The following PREP variants were observed in gnomAD, a reference collection of about 807,000 sequenced individuals.
The protein encoded by PREP is prolyl endopeptidase.
Under a neutral mutation model 87.6 loss-of-function variants are expected in PREP, and 29 were observed. That is an observed-to-expected ratio of 0.33 (90% CI 0.25 to 0.45). The LOEUF is 0.45. Among genes scored for constraint, PREP ranks in the 20% least tolerant of loss-of-function variants. The pLI is 1.00. For synonymous variants in PREP, 337 were observed against 328.6 expected (o/e 1.03, Z -0.28); for missense variants, 695 against 886.5 (o/e 0.78, Z 2.74).
intron 10 of PREP, 104 bp from the exon 11 acceptor site, chr6:105,288,998 G>T: frequency 8.3e-7 from 1 of 1,204,450 alleles, no homozygotes. Flanking sequence ...ATGTACAGTA[G>T]CACAGTGAAA....
chr6:105,341,649 A>C (rs1401913910), intron 7 of PREP, among the ~76,000 whole-genome samples: 1 of 152,240 alleles, frequency 6.6e-6, no homozygotes, highest in African/African-American at 2.4e-5. Context: ...TAGCAAGACT[A>C]ATAAAGTAGA....
At position 105,376,857 on chromosome 6, in the gene PREP, G is replaced by C. The variant is rs1772700351; in HGVS notation, c.254+529C>G. Among the ~76,000 whole-genome samples, 3 of 152,294 alleles carry C rather than the reference G, an allele frequency of 2.0e-5. No individual in the cohort carries two copies. The East Asian group carries it at 5.8e-4, about 29-fold the overall frequency. ...TTTGGTAGGCAGACTGTACGTTGCCGATCTCTGTAAGAATGGCAGAGGGCT... is the reference window on the plus strand; with the variant it reads ...TTTGGTAGGCAGACTGTACGTTGCCCATCTCTGTAAGAATGGCAGAGGGCT... On this transcript the variant is annotated intron_variant, in intron 3 of 14. Transcript: ENST00000652536.
At chr6:105,290,123 C>T (rs747049826) in intron 10 of PREP, among the ~76,000 whole-genome samples, 2 of 152,186 alleles carry the variant, frequency 1.3e-5, no homozygotes, top group Non-Finnish European at 2.9e-5. Flanking sequence ...AATTTGGCAT[C>T]TGACGAATCA....
intron 10 of PREP, among the ~76,000 whole-genome samples, chr6:105,299,656 C>A (rs1227512185): frequency 6.6e-6 from 1 of 152,206 alleles, no homozygotes; most frequent in African/African-American, 2.4e-5. Context: ...CTACCAAGGT[C>A]TCCCAAGTCC....
In PREP at chr6:105,275,241, G is replaced by A. The variant is rs138319939; in HGVS notation, c.*2903C>T. Among the ~76,000 whole-genome samples, 13 of 152,306 alleles carry A rather than the reference G, an allele frequency of 8.5e-5. No homozygotes were observed. Among genetic ancestry groups the A allele is most frequent in the African/African-American group, 3.1e-4 (13 of 41,566 alleles). On this transcript the variant is annotated 3_prime_UTR_variant, in exon 15 of 15. Coordinates refer to ENST00000652536, the MANE Select transcript of PREP (RefSeq NM_002726.5). ...GCCTGCTGGGAACTTCCAGAGGCTG[G>A]TAAAACTGACAAACCTTGAGAGACT...
chr6:105,282,020 A>G, intron 13 of PREP, 118 bp from the exon 14 acceptor site: 1 of 1,230,590 alleles, frequency 8.1e-7, no homozygotes, highest in Non-Finnish European at 1.1e-6. Context: ...TATCCAGAGC[A>G]CAAGAGGAAA....
rs1363279739 is a variant in PREP, at chr6:105,278,065, T to C, written c.*79A>G. 6.6e-7 allele frequency: 1 copy of C among 1,504,998 alleles called. No homozygotes were observed. Among genetic ancestry groups the C allele is most frequent in the Non-Finnish European group, 9.1e-7 (1 of 1,104,864 alleles). 93.2% of individuals were successfully genotyped at this position (1,504,998 alleles called of 1,614,324 possible). A position where few individuals can be genotyped will look rare whatever the true frequency, so the allele number is the denominator to read the frequency against. Reference sequence around the variant, plus strand: ...ATAATGTTCCCGTGGGGAAGCATTATGCCCAGTGGTTTCTTGGTGTCAACG... The same window carrying C: ...ATAATGTTCCCGTGGGGAAGCATTACGCCCAGTGGTTTCTTGGTGTCAACG... On this transcript the variant is annotated 3_prime_UTR_variant, in exon 15 of 15. Transcript: ENST00000652536. This position sits in a 1 kb window ranked among gnomAD's most constrained non-coding sequence, Gnocchi z 4.2.
chr6:105,340,016 C>A (rs1484831741), intron 7 of PREP, among the ~76,000 whole-genome samples: 1 of 152,142 alleles, frequency 6.6e-6, no homozygotes, highest in African/African-American at 2.4e-5. Flanking sequence ...GGCAGGCCAA[C>A]ATTCAAATTC....
chr6:105,401,431 A>C (rs1773427722), intron 1 of PREP, among the ~76,000 whole-genome samples: 1 of 152,226 alleles, frequency 6.6e-6, no homozygotes, highest in African/African-American at 2.4e-5. Context: ...CTGCAGAAGC[A>C]AGTAAGCCCT....
chr6:105,387,310 C>T (rs1015528307), intron 2 of PREP, among the ~76,000 whole-genome samples: 19 of 152,066 alleles, frequency 1.2e-4, no homozygotes, highest in East Asian at 5.8e-4. Flanking sequence ...CCAAAAATAC[C>T]GTATCTGATG....
intron 13 of PREP, 128 bp from the exon 14 acceptor site, chr6:105,282,030 A>G (rs1225988285): frequency 1.7e-6 from 2 of 1,171,670 alleles, no homozygotes; most frequent in Non-Finnish European, 2.3e-6. Context: ...ACAAGAGGAA[A>G]CCATCAGAAA....
At chr6:105,310,859 C>T (rs1161936451) in intron 10 of PREP, among the ~76,000 whole-genome samples, 1 of 152,188 alleles carries the variant, frequency 6.6e-6, no homozygotes, top group East Asian at 1.9e-4. Flanking sequence ...GACACTGCCA[C>T]TTGGATGATA....
Position 105,402,895 on chromosome 6 carries a change from C to T in PREP, c.-4G>A. The stretch of plus-strand genomic sequence containing the variant: ...CGGGGTACTGAAGGGACAGCATGGC[C>T]GGGGACAGGCAGGGGGCAGCGTGGA... On this transcript the variant is annotated 5_prime_UTR_variant, in exon 1 of 15. Transcript: ENST00000652536. 6.6e-7 allele frequency: 1 copy of T among 1,518,228 alleles called. No homozygotes were observed. Among genetic ancestry groups the T allele is most frequent in the Non-Finnish European group, 8.9e-7 (1 of 1,127,302 alleles). 94.0% of individuals were successfully genotyped at this position (1,518,228 alleles called of 1,614,324 possible). A position where few individuals can be genotyped will look rare whatever the true frequency, so the allele number is the denominator to read the frequency against.
chr6:105,315,836 C>G (rs569872500), intron 10 of PREP, among the ~76,000 whole-genome samples: 1 of 152,312 alleles, frequency 6.6e-6, no homozygotes, highest in South Asian at 2.1e-4. Flanking sequence ...ACTTCATGAA[C>G]CAACCTCTGC....
In PREP at chr6:105,402,877, C is replaced by T; in HGVS notation, c.15G>A (p.Gln5=). The part of the protein sequence containing the change: MLSL[Q]YPDVYRDETA... Reference sequence around the variant, plus strand: ...TCTCGTCGCGGTACACGTCGGGGTACTGAAGGGACAGCATGGCCGGGGACA... The same window carrying T: ...TCTCGTCGCGGTACACGTCGGGGTATTGAAGGGACAGCATGGCCGGGGACA... The change falls in exon 1 of 15, where the codon CAG becomes CAA. Residue 5 remains glutamine, a synonymous_variant. Transcript: ENST00000652536. The T allele has an allele frequency of 6.5e-7, 1 of 1,539,812 alleles. No individual in the cohort carries two copies. The highest frequency in any genetic ancestry group is 8.8e-7 in the Non-Finnish European group (1 of 1,140,566).
At chr6:105,282,733 A>C in intron 12 of PREP, 151 bp from the exon 13 acceptor site, 2 of 816,164 alleles carry the variant, frequency 2.5e-6, no homozygotes, top group South Asian at 3.9e-5. Context: ...GCCTCAATTT[A>C]AGTTCTGTTA....
intron 7 of PREP, among the ~76,000 whole-genome samples, chr6:105,349,588 C>A (rs1217165070): frequency 6.6e-6 from 1 of 151,866 alleles, no homozygotes; most frequent in African/African-American, 2.4e-5. Flanking sequence ...TTCTTTAGTC[C>A]TCAAAAAAGA....
chr6:105,384,976 C>T (rs937688551), intron 2 of PREP, among the ~76,000 whole-genome samples: 2 of 152,154 alleles, frequency 1.3e-5, no homozygotes, highest in Non-Finnish European at 2.9e-5. Context: ...TTTATGTGAG[C>T]TGGTCTGAGT....
At chr6:105,331,948 C>A (rs1771346342) in intron 8 of PREP, among the ~76,000 whole-genome samples, 1 of 152,100 alleles carries the variant, frequency 6.6e-6, no homozygotes, top group South Asian at 2.1e-4. Context: ...TCCAAACCTG[C>A]AAGTTAACGG....
Sources: allele counts gnomAD v4.1 joint callset (sites outside exome capture counted in the v4.1 genomes callset), GRCh38; gene constraint gnomAD v4.1.1; non-coding constraint Gnocchi (gnomAD v3.1); transcripts MANE v1.5; gene names NCBI Gene and HGNC (gene_info 2026-07-23, HGNC 2026-07-21).